The following CLBA1 variants were observed in gnomAD, a reference collection of about 807,000 sequenced individuals.
The protein encoded by CLBA1 is uncharacterized protein CLBA1.
A neutral mutation model predicts 28.8 loss-of-function variants in CLBA1; 30 were observed. That is an observed-to-expected ratio of 1.04 (90% CI 0.78 to 1.41). The LOEUF (loss-of-function observed/expected upper bound fraction) is 1.41, where lower values mean the gene tolerates loss of function less well. Ranked by LOEUF, CLBA1 falls within the 40% of genes most tolerant of loss-of-function variation. CLBA1 has a pLI of 0.00. For synonymous variants in CLBA1, 160 were observed against 152.8 expected, an observed-to-expected ratio of 1.05 and a Z score of -0.35; for missense variants, 451 against 412.3, an observed-to-expected ratio of 1.09 and a Z score of -0.81.
intron 4 of CLBA1, 98 bp from the exon 5 acceptor site, chr14:104,994,500 G>A: frequency 6.8e-7 from 1 of 1,474,840 alleles, no homozygotes; most frequent in Non-Finnish European, 8.9e-7. Flanking sequence ...GAGAACACTA[G>A]GGGGCCGAGA....
At chr14:104,996,026 T>G (rs928993705), downstream of CLBA1, among the ~76,000 whole-genome samples, 15 of 152,176 alleles carry the variant, frequency 9.9e-5, no homozygotes, top group African/African-American at 3.6e-4. Flanking sequence ...CAAGCCAAAA[T>G]ACTCCATCCT....
chr14:104,985,890 GA>G lies in CLBA1; in HGVS notation c.-541del, dbSNP rs770061592. 4 of 227,470 alleles carry G rather than the reference GA, an allele frequency of 1.8e-5. No individual in the cohort carries two copies. Among genetic ancestry groups the G allele is most frequent in the Non-Finnish European group, 1.9e-5 (2 of 107,976 alleles). The allele number at this position is 227,470 out of a possible 1,614,324, so 14.1% of individuals were successfully genotyped here. ...AGGCGGCGACCAAGGTGGGTGCGGG[GA>G]CTCTCGGGAGCCGTGGGCCAGGCGC... On this transcript the variant is annotated 5_prime_UTR_variant, in exon 1 of 5. Coordinates refer to ENST00000547315, the MANE Select transcript of CLBA1 (RefSeq NM_174891.4).
chr14:105,000,503 C>G (rs897954190), downstream of CLBA1, among the ~76,000 whole-genome samples: 2 of 152,082 alleles, frequency 1.3e-5, no homozygotes, highest in Non-Finnish European at 2.9e-5. Context: ...AACTCCTGAC[C>G]TCAGGTGATC....
chr14:104,993,793 C>T (rs1900101673), intron 4 of CLBA1: 11 of 985,400 alleles, frequency 1.1e-5, no homozygotes, highest in Non-Finnish European at 1.3e-5. Context: ...ATTGTGTACA[C>T]CCAGGAGATG....
chr14:104,986,694 C>G lies in CLBA1; in HGVS notation c.263C>G (p.Ser88Ter), dbSNP rs200579283. ...GAGTTTGAAGGCTTTCGGGAATCTT[C>G]AGCCAAGTCTGGACAATTCTCACAG... Reference protein sequence around the residue: ...WGEFEGFRESSAKSGQFSQSL... With the variant: ...WGEFEGFRES The change falls in exon 1 of 5, where the codon TCA becomes TGA. Residue 88 changes from serine (S) to a stop codon, truncating the protein, a stop_gained. Coordinates refer to ENST00000547315, the MANE Select transcript of CLBA1 (RefSeq NM_174891.4). LOFTEE classifies it high-confidence loss of function. 7 of 1,614,000 alleles carry G rather than the reference C, an allele frequency of 4.3e-6. No individual in the cohort carries two copies. In the African/African-American group the frequency reaches 9.3e-5, roughly 22 times the overall value.
Position 104,995,463 on chromosome 14 carries a change from A to G in CLBA1, c.*704A>G. 1.0e-6 allele frequency: 1 copy of G among 985,474 alleles called. No homozygotes were observed. Among genetic ancestry groups the G allele is most frequent in the South Asian group, 4.7e-5 (1 of 21,290 alleles). The allele number at this position is 985,474 out of a possible 1,614,324, so 61.0% of individuals were successfully genotyped here. A position where few individuals can be genotyped will look rare whatever the true frequency, so the allele number is the denominator to read the frequency against. On this transcript the variant is annotated 3_prime_UTR_variant, in exon 5 of 5. Transcript: ENST00000547315. ...ACTGTGCTCTTCGAAGGGCAGAGCC[A>G]AGAAGTCAGCCCTGACTTTTGTAAA...
chr14:104,998,978 A>G (rs998092413), downstream of CLBA1, among the ~76,000 whole-genome samples: 2 of 152,236 alleles, frequency 1.3e-5, no homozygotes, highest in African/African-American at 4.8e-5. Flanking sequence ...AGCTGTCTGC[A>G]GTCAGTGCTG....
chr14:104,991,232 G>C (rs1428251548), intron 2 of CLBA1: 2 of 316,622 alleles, frequency 6.3e-6, no homozygotes, highest in Non-Finnish European at 1.2e-5. Flanking sequence ...CACTATGTTG[G>C]CCAGGCAGAT....
chr14:104,986,327 C>A lies in CLBA1; in HGVS notation c.-105C>A. On this transcript the variant is annotated 5_prime_UTR_variant, in exon 1 of 5. Transcript: ENST00000547315. ...CACTCCTGCAGCGTCCCCTGGCCCT[C>A]TCCAGGGCAGGGGAAGGTTGGGCAG... The A allele has an allele frequency of 7.9e-7, 1 of 1,265,990 alleles. No homozygotes were observed. Among genetic ancestry groups the A allele is most frequent in the Non-Finnish European group, 1.1e-6 (1 of 926,072 alleles). The allele number at this position is 1,265,990 out of a possible 1,614,324, so 78.4% of individuals were successfully genotyped here. A position where few individuals can be genotyped will look rare whatever the true frequency, so the allele number is the denominator to read the frequency against.
chr14:104,989,254 G>T, intron 2 of CLBA1, 166 bp downstream of exon 2: 1 of 651,042 alleles, frequency 1.5e-6, no homozygotes, highest in Non-Finnish European at 2.6e-6. Flanking sequence ...CAGCACGATT[G>T]GCGCTCCAGC....
At chr14:104,999,126 GCCTGCT>G (rs1418279793), downstream of CLBA1, 1 of 787,976 alleles carries the variant, frequency 1.3e-6, no homozygotes, top group Non-Finnish European at 1.5e-6. Flanking sequence ...GCTTTCCTCT[GCCTGCT>G]CCTGCTTTCT....
In CLBA1 at chr14:104,994,860, C is replaced by T; in HGVS notation, c.*101C>T. The T allele has an allele frequency of 6.7e-7, 1 of 1,489,088 alleles. No individual in the cohort carries two copies. The allele number at this position is 1,489,088 out of a possible 1,614,324, so 92.2% of individuals were successfully genotyped here. A position where few individuals can be genotyped will look rare whatever the true frequency, so the allele number is the denominator to read the frequency against. ...GTCTGTGGAGCTGTTTTCCAGACCC[C>T]AGGCCCATTCCTGGGATCTCTCCAA... On this transcript the variant is annotated 3_prime_UTR_variant, in exon 5 of 5. Transcript: ENST00000547315.
chr14:105,000,423 C>T (rs10136020), downstream of CLBA1, among the ~76,000 whole-genome samples: 11,181 of 151,960 alleles, frequency 0.074, 1,423 homozygotes, highest in African/African-American at 0.26. Flanking sequence ...AGGCGCCCGC[C>T]ACCATGCCCG....
In CLBA1 at chr14:104,986,378, G is replaced by C; in HGVS notation, c.-54G>C. 3 of 1,570,966 alleles carry C rather than the reference G, an allele frequency of 1.9e-6. No individual in the cohort carries two copies. Among genetic ancestry groups the C allele is most frequent in the Non-Finnish European group, 2.6e-6 (3 of 1,159,554 alleles). On this transcript the variant is annotated 5_prime_UTR_variant, in exon 1 of 5. Transcript: ENST00000547315. ...TCCTGGGCGGCCAGCACCCCGGCGT[G>C]CATGTCTCCTGAGCAGCTGCCCATC...
At chr14:104,992,803 A>T (rs2241865) in intron 3 of CLBA1, 145 bp from the exon 4 acceptor site, 27 of 777,218 alleles carry the variant, frequency 3.5e-5, no homozygotes, top group Non-Finnish European at 5.5e-5. Flanking sequence ...AGGGCGACAC[A>T]GGGGAAACTG....
At chr14:104,991,347 T>C (rs1900012733) in intron 2 of CLBA1, 144 bp from the exon 3 acceptor site, 2 of 922,520 alleles carry the variant, frequency 2.2e-6, no homozygotes, top group Admixed American at 2.4e-5. Context: ...TTTAGAGTTC[T>C]TAACAGCCAT....
At chr14:104,990,681 C>T (rs934619726) in intron 2 of CLBA1, 6 of 152,348 alleles carry the variant, frequency 3.9e-5, no homozygotes, top group East Asian at 1.9e-4. Flanking sequence ...GTAGCAGTGA[C>T]GTGTGGCACA....
At position 104,985,884 on chromosome 14, in the gene CLBA1, T is replaced by TGCGGGGCCCGGGCCAGGGCCCAGGACAC. The variant is rs71129266; in HGVS notation, c.-542_-541insCCCGGGCCAGGGCCCAGGACACGCGGGG. Reference sequence around the variant, plus strand: ...CCGCCGAGGCGGCGACCAAGGTGGGTGCGGGGACTCTCGGGAGCCGTGGGC... The same window carrying TGCGGGGCCCGGGCCAGGGCCCAGGACAC: ...CCGCCGAGGCGGCGACCAAGGTGGGTGCGGGGCCCGGGCCAGGGCCCAGGACACGCGGGGACTCTCGGGAGCCGTGGGC... On this transcript the variant is annotated 5_prime_UTR_variant, in exon 1 of 5. Transcript: ENST00000547315. The TGCGGGGCCCGGGCCAGGGCCCAGGACAC allele has an allele frequency of 1.8e-5, 4 of 223,154 alleles. No individual in the cohort carries two copies. Among genetic ancestry groups the TGCGGGGCCCGGGCCAGGGCCCAGGACAC allele is most frequent in the African/African-American group, 7.3e-5 (3 of 41,356 alleles). 13.8% of individuals were successfully genotyped at this position (223,154 alleles called of 1,614,324 possible).
At chr14:104,992,133 ACGC>A (rs1314616908) in intron 3 of CLBA1, among the ~76,000 whole-genome samples, 1 of 146,010 alleles carries the variant, frequency 6.8e-6, no homozygotes, top group African/African-American at 2.6e-5. Context: ...CACCACGCAC[ACGC>A]CGCCATGCAC....
Sources: allele counts gnomAD v4.1 joint callset (sites outside exome capture counted in the v4.1 genomes callset), GRCh38; gene constraint gnomAD v4.1.1; transcripts MANE v1.5; gene names NCBI Gene and HGNC (gene_info 2026-07-23, HGNC 2026-07-21).